Variants in SPOCK1 observed in about 807,000 individuals in gnomAD.
SPOCK1 encodes testican-1.
In SPOCK1, 23 loss-of-function variants were observed where a neutral mutation model predicts 55.3. The observed-to-expected ratio is 0.42, with a 90% CI of 0.30 to 0.59. The LOEUF (loss-of-function observed/expected upper bound fraction) is 0.59, where lower values mean the gene tolerates loss of function less well. SPOCK1 is among the 20% of genes least tolerant of loss of function. The probability of loss-of-function intolerance (pLI) is 0.22; values close to 1 mark genes in which losing one functional copy is unlikely to be tolerated. For synonymous variants in SPOCK1, 226 were observed against 221.0 expected, an observed-to-expected ratio of 1.02 and a Z score of -0.20; for missense variants, 499 against 552.5, an observed-to-expected ratio of 0.90 and a Z score of 0.97.
At chr5:137,353,909 GC>G (rs1750735056) in intron 2 of SPOCK1, among the ~76,000 whole-genome samples, 1 of 152,090 alleles carries the variant, frequency 6.6e-6, no homozygotes, top group African/African-American at 2.4e-5. Flanking sequence ...ACAGATACTT[GC>G]TGGCCTCCCC....
chr5:137,423,535 G>T (rs1752545878), intron 2 of SPOCK1, among the ~76,000 whole-genome samples: 1 of 152,188 alleles, frequency 6.6e-6, no homozygotes, highest in Admixed American at 6.5e-5. Context: ...ATCTCAGACT[G>T]CTGTGCTAGC....
intron 6 of SPOCK1, among the ~76,000 whole-genome samples, chr5:137,008,056 G>A (rs560714028): frequency 9.0e-5 from 13 of 145,056 alleles, no homozygotes; most frequent in African/African-American, 3.0e-4. Context: ...ACCAAACACC[G>A]TATGTTCTCA....
chr5:137,282,517 C>T (rs1757185330), intron 2 of SPOCK1, among the ~76,000 whole-genome samples: 1 of 152,228 alleles, frequency 6.6e-6, no homozygotes, highest in Admixed American at 6.5e-5. Flanking sequence ...GATGGGCCCA[C>T]ACTCCTGCTA....
chr5:137,076,074 A>C (rs1752753211), intron 5 of SPOCK1, among the ~76,000 whole-genome samples: 1 of 152,180 alleles, frequency 6.6e-6, no homozygotes, highest in Admixed American at 6.5e-5. Flanking sequence ...GCTGTACATC[A>C]GAGAGGTGGG....
At chr5:137,447,580 C>T (rs536513490) in intron 2 of SPOCK1, among the ~76,000 whole-genome samples, 3 of 152,254 alleles carry the variant, frequency 2.0e-5, no homozygotes, top group East Asian at 3.9e-4. Flanking sequence ...TTGGCAAACA[C>T]ATGGATTTAC....
rs1245329506 is a variant in SPOCK1, at chr5:137,348,622, CA to C, written c.187-81568del. Among the ~76,000 whole-genome samples the C allele has an allele frequency of 2.4e-4, 34 of 141,602 alleles. No individual in the cohort carries two copies. The East Asian group carries it at 4.1e-3, about 17-fold the overall frequency. The allele number at this position is 141,602 out of a possible 152,430, so 92.9% of individuals were successfully genotyped here. On this transcript the variant is annotated intron_variant, in intron 2 of 10. Transcript: ENST00000394945. ...TCAACATACAACTATAATTTATTTG[CA>C]AAAAAAAAACAATGTGCATAGACCA...
intron 5 of SPOCK1, among the ~76,000 whole-genome samples, chr5:137,099,003 AG>A (rs1753209341): frequency 6.6e-6 from 1 of 152,232 alleles, no homozygotes; most frequent in Non-Finnish European, 1.5e-5. Flanking sequence ...TTGTTCCCAA[AG>A]GGATGTTAAA....
At chr5:137,416,738 G>C (rs561608180) in intron 2 of SPOCK1, among the ~76,000 whole-genome samples, 3 of 152,216 alleles carry the variant, frequency 2.0e-5, no homozygotes, top group Non-Finnish European at 4.4e-5. Context: ...GCAACAATCA[G>C]TGAGAGTTCC....
At chr5:137,337,372 T>A (rs1298099723) in intron 2 of SPOCK1, among the ~76,000 whole-genome samples, 2 of 152,170 alleles carry the variant, frequency 1.3e-5, no homozygotes, top group Non-Finnish European at 2.9e-5. Flanking sequence ...CCAAAACACA[T>A]TTCCACTGGA....
At chr5:137,461,277 T>C (rs1255708908) in intron 2 of SPOCK1, among the ~76,000 whole-genome samples, 5 of 152,208 alleles carry the variant, frequency 3.3e-5, no homozygotes, top group Non-Finnish European at 5.9e-5. Flanking sequence ...TAAGGGTATG[T>C]GATGCTCAAG....
intron 2 of SPOCK1, among the ~76,000 whole-genome samples, chr5:137,290,600 C>T (rs1372705429): frequency 1.2e-4 from 18 of 152,218 alleles, no homozygotes; most frequent in Middle Eastern, 3.4e-3. Context: ...TGCACACATG[C>T]GTATCACATT....
In SPOCK1 at chr5:137,321,316, G is replaced by T. The variant is rs1386011501; in HGVS notation, c.187-54261C>A. On this transcript the variant is annotated intron_variant, in intron 2 of 10. Transcript: ENST00000394945. ...AGACAGACAAAGGGGCAGAAAGCTT[G>T]TATGAAATAATAATGGCTCTGGTAA... Among the ~76,000 whole-genome samples the T allele has an allele frequency of 2.0e-5, 3 of 151,854 alleles. 1 individual carries two copies. The highest frequency in any genetic ancestry group is 4.4e-5 in the Non-Finnish European group (3 of 67,978).
intron 5 of SPOCK1, among the ~76,000 whole-genome samples, chr5:137,069,517 G>A (rs1752569579): frequency 6.6e-6 from 1 of 152,238 alleles, no homozygotes; most frequent in Non-Finnish European, 1.5e-5. Context: ...CAGGACACAT[G>A]TCTCCATAGG....
intron 6 of SPOCK1, among the ~76,000 whole-genome samples, chr5:137,066,963 T>TACACACACACACACACACACACACACAC (rs147918575): frequency 7.9e-6 from 1 of 126,242 alleles, no homozygotes; most frequent in African/African-American, 2.9e-5. Flanking sequence ...AACATAAGCA[T>TACACACACACACACACACACACACACAC]ACACACACAC....
intron 2 of SPOCK1, among the ~76,000 whole-genome samples, chr5:137,466,290 C>T (rs1487968798): frequency 2.0e-5 from 3 of 152,102 alleles, no homozygotes; most frequent in Non-Finnish European, 4.4e-5. Context: ...ACTAAGCATG[C>T]TAATTCATAG....
Position 137,131,987 on chromosome 5 carries a change from AAAATATATAT to A in SPOCK1, c.347+8583_347+8592del, listed in dbSNP as rs1231984382. ...ACTCCGTCTCAAAAAAAAAAAAAAAAAAATATATATATATATATATATATATATATATAAA... is the reference window on the plus strand; with the variant it reads ...ACTCCGTCTCAAAAAAAAAAAAAAAAATATATATATATATATATATATAAA... On this transcript the variant is annotated intron_variant, in intron 4 of 10. Coordinates refer to ENST00000394945, the MANE Select transcript of SPOCK1 (RefSeq NM_004598.4). Among the ~76,000 whole-genome samples the A allele has an allele frequency of 6.7e-4, 27 of 40,298 alleles. 1 individual carries two copies. The highest frequency in any genetic ancestry group is 5.5e-3 in the South Asian group (8 of 1,442). The allele number at this position is 40,298 out of a possible 152,430, so 26.4% of individuals were successfully genotyped here.
At chr5:137,487,907 G>A (rs1302895980) in intron 2 of SPOCK1, among the ~76,000 whole-genome samples, 2 of 152,194 alleles carry the variant, frequency 1.3e-5, no homozygotes, top group Non-Finnish European at 2.9e-5. Context: ...AGCCCTGTTG[G>A]CATAAGGGGA....
At chr5:137,102,972 T>C (rs796515769) in intron 5 of SPOCK1, among the ~76,000 whole-genome samples, 5 of 152,290 alleles carry the variant, frequency 3.3e-5, no homozygotes, top group African/African-American at 9.6e-5. Context: ...ATATCTACTC[T>C]GCTTTTTGGG....
intron 6 of SPOCK1, among the ~76,000 whole-genome samples, chr5:136,995,483 T>TCTAAG (rs1251813290): frequency 1.3e-5 from 2 of 152,196 alleles, no homozygotes; most frequent in African/African-American, 4.8e-5. Flanking sequence ...ACTGCCCTGC[T>TCTAAG]CTAAGCAGGA....
Sources: gnomAD v4.1 joint callset for allele counts (sites outside exome capture counted in the v4.1 genomes callset) on GRCh38, gnomAD v4.1.1 for gene constraint, MANE v1.5 for transcripts, NCBI Gene and HGNC (gene_info 2026-07-23, HGNC 2026-07-21) for gene names.